The following MEMO1 variants were observed in gnomAD, a reference collection of about 807,000 sequenced individuals.
The protein encoded by MEMO1 is mediator of cell motility 1.
Under a neutral mutation model 45.2 loss-of-function variants are expected in MEMO1, and 6 were observed. The ratio of observed to expected loss-of-function variants is 0.13; its 90% confidence interval spans 0.07 to 0.26. The LOEUF is 0.26. MEMO1 is among the 10% of genes least tolerant of loss of function. The pLI is 1.00. For synonymous variants in MEMO1, 78 were observed against 124.3 expected, an observed-to-expected ratio of 0.63 and a Z score of 2.48; for missense variants, 184 against 370.5, an observed-to-expected ratio of 0.50 and a Z score of 4.13.
At chr2:32,006,515 C>G (rs1468052707) in intron 2 of MEMO1, among the ~76,000 whole-genome samples, 1 of 149,812 alleles carries the variant, frequency 6.7e-6, no homozygotes, top group Non-Finnish European at 1.5e-5. Flanking sequence ...ACAGTCTCTA[C>G]AGCATTTCAT....
At chr2:31,875,601 T>C (rs1218441539) in intron 8 of MEMO1, among the ~76,000 whole-genome samples, 1 of 152,170 alleles carries the variant, frequency 6.6e-6, no homozygotes, top group Non-Finnish European at 1.5e-5. Context: ...ATCCACTTCA[T>C]TCTACCTCCA....
intron 2 of MEMO1, among the ~76,000 whole-genome samples, chr2:31,962,986 A>G (rs1271463728): frequency 6.6e-6 from 1 of 152,226 alleles, no homozygotes; most frequent in East Asian, 1.9e-4. Context: ...CCCTCCCCCA[A>G]GTAAGACAGA....
chr2:31,918,152 T>C, intron 5 of MEMO1, 115 bp from the exon 6 acceptor site: 2 of 505,674 alleles, frequency 4.0e-6, no homozygotes, highest in Non-Finnish European at 6.6e-6. Flanking sequence ...AGAAACACCA[T>C]ATAATATTCT....
At chr2:31,879,893 CCTCTTATATTCCCTGTATTAGT>C (rs938850048) in intron 8 of MEMO1, among the ~76,000 whole-genome samples, 4 of 152,084 alleles carry the variant, frequency 2.6e-5, no homozygotes, top group African/African-American at 4.8e-5. Context: ...TAAATCTGTC[CCTCTTATATTCCCTGTATTAGT>C]GAGTATCAGC....
chr2:31,886,484 G>T (rs1013097886), intron 7 of MEMO1, among the ~76,000 whole-genome samples: 1 of 151,760 alleles, frequency 6.6e-6, no homozygotes, highest in African/African-American at 2.4e-5. Context: ...CCACTTTTTG[G>T]TTTTTATTAT....
At chr2:31,969,418 TA>T (rs1252293431) in intron 2 of MEMO1, among the ~76,000 whole-genome samples, 1 of 120,102 alleles carries the variant, frequency 8.3e-6, no homozygotes, top group Non-Finnish European at 1.9e-5. Context: ...TATACACGTA[TA>T]TATACATATA....
intron 8 of MEMO1, 24 bp from the exon 9 acceptor site, chr2:31,869,976 G>T: frequency 2.2e-6 from 3 of 1,341,528 alleles, no homozygotes; most frequent in Admixed American, 2.7e-5. Flanking sequence ...AAAAGAAGAG[G>T]AAGAAAAAAA....
intron 8 of MEMO1, among the ~76,000 whole-genome samples, chr2:31,874,847 A>G (rs1187731128): frequency 1.3e-5 from 2 of 151,932 alleles, no homozygotes; most frequent in African/African-American, 4.8e-5. Flanking sequence ...ATAAATATGC[A>G]AAAGTACATT....
intron 2 of MEMO1, among the ~76,000 whole-genome samples, chr2:31,968,254 G>GA (rs1228743675): frequency 3.9e-5 from 6 of 152,196 alleles, no homozygotes; most frequent in African/African-American, 1.4e-4. Flanking sequence ...AAGGAATGAT[G>GA]AAAATGCTTT....
chr2:31,987,147 G>A (rs890755221), intron 2 of MEMO1, among the ~76,000 whole-genome samples: 4 of 152,104 alleles, frequency 2.6e-5, no homozygotes, highest in African/African-American at 7.2e-5. Context: ...GGGACTACAA[G>A]TGTGTACAAT....
chr2:31,974,103 C>T (rs192837188), intron 2 of MEMO1, among the ~76,000 whole-genome samples: 34 of 152,264 alleles, frequency 2.2e-4, no homozygotes, highest in African/African-American at 7.5e-4. Context: ...CCCTCCCTCC[C>T]TCCCTCCAAT....
intron 8 of MEMO1, among the ~76,000 whole-genome samples, chr2:31,881,796 G>A (rs1047051282): frequency 2.6e-5 from 4 of 152,024 alleles, no homozygotes; most frequent in African/African-American, 2.4e-5. Context: ...GAAGCCAAGT[G>A]TTCAAAACTA....
intron 2 of MEMO1, among the ~76,000 whole-genome samples, chr2:31,970,450 A>G (rs558515500): frequency 6.6e-6 from 1 of 152,302 alleles, no homozygotes; most frequent in Admixed American, 6.5e-5. Context: ...CAACTACTCA[A>G]GCAGTTTCAT....
Position 31,920,873 on chromosome 2 carries a change from G to A in MEMO1, c.250C>T (p.Pro84Ser). Residue 84 changes from proline to serine, a missense_variant, in exon 5 of 10, where the codon CCC becomes TCC. Coordinates refer to ENST00000404530, the MANE Select transcript of MEMO1 (RefSeq NM_001301833.4). ...CTGGAAAGTGCACATCGAGAGAGGG[G>A]CACATGATGAGAAGGCCCAAGGATG... ...IFILGPSHHV[P>S]LSRCALSSVD... 6.2e-7 allele frequency: 1 copy of A among 1,612,314 alleles called. No individual in the cohort carries two copies. Among genetic ancestry groups the A allele is most frequent in the Non-Finnish European group, 8.5e-7 (1 of 1,179,128 alleles).
chr2:31,920,766 AT>A, intron 5 of MEMO1, 31 bp downstream of exon 5: 1 of 1,264,634 alleles, frequency 7.9e-7, no homozygotes, highest in Non-Finnish European at 1.1e-6. Context: ...AACATTAGCT[AT>A]TTGAAAGCTA....
chr2:31,982,199 A>G (rs1423463093), intron 2 of MEMO1, among the ~76,000 whole-genome samples: 15 of 145,838 alleles, frequency 1.0e-4, no homozygotes, highest in South Asian at 4.5e-4. Flanking sequence ...CGGGAGGCTG[A>G]GTCAGGAGAA....
At chr2:31,922,536 T>C (rs912438928) in intron 4 of MEMO1, among the ~76,000 whole-genome samples, 3 of 152,076 alleles carry the variant, frequency 2.0e-5, no homozygotes, top group African/African-American at 7.2e-5. Flanking sequence ...TATAGGTAAA[T>C]TACGTGTTGC....
intron 8 of MEMO1, among the ~76,000 whole-genome samples, chr2:31,874,187 T>TA (rs1218686561): frequency 6.6e-6 from 1 of 152,082 alleles, no homozygotes; most frequent in Non-Finnish European, 1.5e-5. Flanking sequence ...AAAAAAGTAG[T>TA]ATAATAAAAA....
At chr2:31,928,536 GA>G (rs1414747846) in intron 4 of MEMO1, among the ~76,000 whole-genome samples, 1 of 108,488 alleles carries the variant, frequency 9.2e-6, no homozygotes, top group Non-Finnish European at 1.8e-5. Context: ...GACAAAGAGA[GA>G]CTCCATCTCA....
Sources: allele counts gnomAD v4.1 joint callset (sites outside exome capture counted in the v4.1 genomes callset), GRCh38; gene constraint gnomAD v4.1.1; transcripts MANE v1.5; gene names NCBI Gene and HGNC (gene_info 2026-07-23, HGNC 2026-07-21).